FTCDNL1: variants seen among roughly 807,000 people sequenced by gnomAD.
The protein encoded by FTCDNL1 is formiminotransferase N-terminal subdomain-containing protein.
A neutral mutation model predicts 5.9 loss-of-function variants in FTCDNL1; 11 were observed. That is an observed-to-expected ratio of 1.87 (90% CI 1.18 to 3.10). The LOEUF is 3.10. Among genes scored for constraint, FTCDNL1 ranks in the 30% most tolerant of loss-of-function variants. The pLI is 0.00. For missense variants in FTCDNL1, 115 were observed against 65.5 expected, an observed-to-expected ratio of 1.76 and a Z score of -2.61; for synonymous variants, 58 against 24.8, an observed-to-expected ratio of 2.34 and a Z score of -3.99.
intron 3 of FTCDNL1, among the ~76,000 whole-genome samples, chr2:199,799,338 C>G (rs1382755230): frequency 1.3e-5 from 2 of 152,134 alleles, no homozygotes; most frequent in African/African-American, 4.8e-5. Flanking sequence ...TCCTTCAGAG[C>G]TTAGTTGGCC....
At chr2:199,782,042 C>T (rs1213730095) in intron 3 of FTCDNL1, among the ~76,000 whole-genome samples, 4 of 152,280 alleles carry the variant, frequency 2.6e-5, no homozygotes, top group African/African-American at 7.2e-5. Flanking sequence ...CTCAGCCTCC[C>T]AAAGTGCTGG....
At position 199,790,296 on chromosome 2, in the gene FTCDNL1, G is replaced by A. The variant is rs918126772; in HGVS notation, c.212-29461C>T. On this transcript the variant is annotated intron_variant, in intron 3 of 3. Transcript: ENST00000416668. The stretch of plus-strand genomic sequence containing the variant: ...GCAGATCACCTGAGGTTGGGAGTTC[G>A]AGACCAGCCTGGCCAACATGGTGAA... Among the ~76,000 whole-genome samples, 2 of 152,014 alleles carry A rather than the reference G, an allele frequency of 1.3e-5. 1 individual carries two copies.
At chr2:199,783,017 A>G (rs1228923948) in intron 3 of FTCDNL1, among the ~76,000 whole-genome samples, 1 of 152,188 alleles carries the variant, frequency 6.6e-6, no homozygotes, top group Non-Finnish European at 1.5e-5. Context: ...GCCCATCTCT[A>G]CAGATTTCTG....
intron 3 of FTCDNL1, among the ~76,000 whole-genome samples, chr2:199,766,347 T>C (rs1384095079): frequency 6.6e-6 from 1 of 152,190 alleles, no homozygotes; most frequent in Non-Finnish European, 1.5e-5. Flanking sequence ...GATATATAAA[T>C]TGTAAACTGA....
At chr2:199,846,449 A>G (rs1353043355) in intron 2 of FTCDNL1, among the ~76,000 whole-genome samples, 1 of 152,202 alleles carries the variant, frequency 6.6e-6, no homozygotes, top group African/African-American at 2.4e-5. Context: ...AAATTCCCTT[A>G]ACTCAGTCTA....
chr2:199,837,235 A>T (rs1399921137), intron 3 of FTCDNL1, among the ~76,000 whole-genome samples: 1 of 152,192 alleles, frequency 6.6e-6, no homozygotes, highest in African/African-American at 2.4e-5. Flanking sequence ...ACTGGAAATC[A>T]ATCTTAATAT....
chr2:199,775,076 C>A (rs1383844782), intron 3 of FTCDNL1, among the ~76,000 whole-genome samples: 1 of 152,212 alleles, frequency 6.6e-6, no homozygotes, highest in African/African-American at 2.4e-5. Flanking sequence ...CCATGTTTCA[C>A]CTGACACCAG....
At chr2:199,821,145 G>A (rs185265168) in intron 3 of FTCDNL1, among the ~76,000 whole-genome samples, 1 of 152,050 alleles carries the variant, frequency 6.6e-6, no homozygotes, top group East Asian at 1.9e-4. Context: ...TGGTTTTGGT[G>A]GTTTTTTGTT....
chr2:199,844,376 T>C (rs55852473), intron 3 of FTCDNL1: 62,913 of 535,160 alleles, frequency 0.12, 5,429 homozygotes, highest in East Asian at 0.31. Context: ...AAACTTTCTC[T>C]TACTTCTGGC....
the FTCDNL1 span, among the ~76,000 whole-genome samples, chr2:199,728,270 C>A: frequency 6.7e-6 from 1 of 149,020 alleles, no homozygotes; most frequent in Non-Finnish European, 1.5e-5. Flanking sequence ...TTTTTTGAGA[C>A]GGGGTCTTGC....
chr2:199,744,830 G>A, the FTCDNL1 span, among the ~76,000 whole-genome samples: 38 of 152,298 alleles, frequency 2.5e-4, no homozygotes, highest in African/African-American at 8.7e-4. Flanking sequence ...ACCTTCGTAG[G>A]TGTAAAAGGC....
At chr2:199,764,841 C>A (rs1698436493) in intron 3 of FTCDNL1, among the ~76,000 whole-genome samples, 1 of 152,100 alleles carries the variant, frequency 6.6e-6, no homozygotes, top group South Asian at 2.1e-4. Flanking sequence ...TGTCATGTGC[C>A]CCAGCTCTCC....
intron 3 of FTCDNL1, among the ~76,000 whole-genome samples, chr2:199,786,957 C>G: frequency 6.6e-6 from 1 of 152,266 alleles, no homozygotes; most frequent in East Asian, 1.9e-4. Context: ...TGTTTCCTTG[C>G]CTTTTTCAGC....
At chr2:199,740,643 T>C in the FTCDNL1 span, among the ~76,000 whole-genome samples, 1 of 152,128 alleles carries the variant, frequency 6.6e-6, no homozygotes, top group South Asian at 2.1e-4. Context: ...ATCCAATGGA[T>C]TCATTAGAAA....
the FTCDNL1 span, among the ~76,000 whole-genome samples, chr2:199,690,783 T>C: frequency 6.6e-5 from 10 of 152,236 alleles, no homozygotes; most frequent in East Asian, 1.7e-3. Flanking sequence ...AAAATATGTG[T>C]TGGAATGAAG....
the FTCDNL1 span, among the ~76,000 whole-genome samples, chr2:199,679,224 G>T: frequency 1.3e-5 from 2 of 152,050 alleles, no homozygotes; most frequent in Admixed American, 1.3e-4. Context: ...TCTGTGAATT[G>T]TCTGTTCTTC....
chr2:199,775,362 T>C (rs888072380), intron 3 of FTCDNL1, among the ~76,000 whole-genome samples: 1 of 152,202 alleles, frequency 6.6e-6, no homozygotes, highest in Admixed American at 6.5e-5. Flanking sequence ...TGTCTTCAGA[T>C]ATAACGGCCC....
chr2:199,696,228 T>C, the FTCDNL1 span, among the ~76,000 whole-genome samples: 2 of 152,120 alleles, frequency 1.3e-5, no homozygotes, highest in African/African-American at 4.8e-5. Context: ...CACTGTTGGC[T>C]CAAGCACGCA....
intron 4 of FTCDNL1, among the ~76,000 whole-genome samples, chr2:199,818,150 C>T (rs1193304889): frequency 2.0e-5 from 3 of 152,216 alleles, no homozygotes; most frequent in African/African-American, 7.2e-5. Flanking sequence ...TACCAGTCCA[C>T]CTGGCACTGA....
Sources: gnomAD v4.1 joint callset for allele counts (sites outside exome capture counted in the v4.1 genomes callset) on GRCh38, gnomAD v4.1.1 for gene constraint, MANE v1.5 for transcripts, NCBI Gene and HGNC (gene_info 2026-07-23, HGNC 2026-07-21) for gene names.